The following MYO15B variants were observed in gnomAD, a reference collection of about 807,000 sequenced individuals.
MYO15B encodes the protein myosin XVB pseudogene.
Under a neutral mutation model 119.3 loss-of-function variants are expected in MYO15B, and 207 were observed. The observed-to-expected ratio is 1.73, with a 90% CI of 1.55 to 1.95. The LOEUF is 1.95. Among genes scored for constraint, MYO15B ranks in the 30% most tolerant of loss-of-function variants. The pLI, the probability that MYO15B is intolerant of heterozygous loss-of-function variation, is 0.00. For synonymous variants in MYO15B, 966 were observed against 498.9 expected (o/e 1.94, Z -12.48); for missense variants, 2,264 against 1,203.1 (o/e 1.88, Z -13.04).
chr17:75,609,848 G>C (rs1356636475), intron 21 of MYO15B, among the ~76,000 whole-genome samples: 1 of 151,806 alleles, frequency 6.6e-6, no homozygotes, highest in Non-Finnish European at 1.5e-5. Flanking sequence ...TGGGATTACA[G>C]GTGTGCTGTA....
chr17:75,601,929 G>A (rs1240854301), intron 15 of MYO15B, among the ~76,000 whole-genome samples: 2 of 152,232 alleles, frequency 1.3e-5, no homozygotes, highest in East Asian at 3.8e-4. Flanking sequence ...GTAACGTGGA[G>A]ATGGCCTGGC....
At chr17:75,599,197 C>T (rs2057079823) in intron 14 of MYO15B, among the ~76,000 whole-genome samples, 1 of 152,070 alleles carries the variant, frequency 6.6e-6, no homozygotes, top group African/African-American at 2.4e-5. Flanking sequence ...TGCACCTGTC[C>T]TTGAGTTACT....
Position 75,599,895 on chromosome 17 carries a change from A to AAAT in MYO15B, c.3526-1518_3526-1516dup, listed in dbSNP as rs139880034. On this transcript the variant is annotated intron_variant, in intron 14 of 63. Coordinates refer to ENST00000645453, the Ensembl canonical transcript of MYO15B. ...GGGTGACAGAGCAAGACTCGTCTCA[A>AAAT]AATAATAATAATAATAATAATAATA... Among the ~76,000 whole-genome samples the AAAT allele has an allele frequency of 9.8e-4, 143 of 145,626 alleles. 1 individual carries two copies. The highest frequency in any genetic ancestry group is 3.5e-3 in the Middle Eastern group (1 of 286).
In MYO15B at chr17:75,590,856, C is replaced by T. The variant is rs765557445; in HGVS notation, c.2251-51C>T. The stretch of plus-strand genomic sequence containing the variant: ...GGACTGAGGGGCTGGGCTCTGTTTG[C>T]ATTCCCCCTGCTCCCTCCACACTCT... On this transcript the variant is annotated intron_variant, in intron 2 of 63. Transcript: ENST00000645453. The T allele has an allele frequency of 7.6e-5, 23 of 302,242 alleles. 1 individual carries two copies. The Admixed American group carries it at 9.8e-4, about 13-fold the overall frequency. 18.7% of individuals were successfully genotyped at this position (302,242 alleles called of 1,614,324 possible). A position where few individuals can be genotyped will look rare whatever the true frequency, so the allele number is the denominator to read the frequency against.
chr17:75,617,727 G>A, intron 41 of MYO15B, 83 bp from the exon 42 acceptor site: 3 of 635,028 alleles, frequency 4.7e-6, no homozygotes, highest in Non-Finnish European at 8.7e-6. Context: ...GGCTCGTGGG[G>A]ATGAAGGTCT....
chr17:75,608,339 G>A (rs57190555), intron 21 of MYO15B, among the ~76,000 whole-genome samples: 10,817 of 151,936 alleles, frequency 0.071, 1,275 homozygotes, highest in African/African-American at 0.24. Context: ...GGCTGGTCTC[G>A]AACTCCTGAC....
chr17:75,613,759 G>A lies in MYO15B; in HGVS notation c.5201G>A (p.Gly1734Glu), dbSNP rs772515015. 7.1e-6 allele frequency: 5 copies of A among 702,460 alleles called. No homozygotes were observed. In the South Asian group the frequency reaches 7.4e-5, roughly 10 times the overall value. The allele number at this position is 702,460 out of a possible 1,614,324, so 43.5% of individuals were successfully genotyped here. ...TGGACCACCGGGGAGCAGCTGGCTG[G>A]GTGGATCCTGCAGAGCAGGTATGGG... is the stretch of plus-strand genomic sequence containing the variant. Residue 1734 changes from glycine (G) to glutamate (E), a missense_variant, in exon 29 of 64, where the codon GGG becomes GAG. By Grantham distance (98) the Gly-to-Glu change is moderately conservative. Transcript: ENST00000645453.
chr17:75,591,711 A>G lies in MYO15B; in HGVS notation c.2546A>G (p.Gln849Arg), dbSNP rs1487202672. 4.3e-6 allele frequency: 3 copies of G among 702,912 alleles called. No individual in the cohort carries two copies. The East Asian group carries it at 8.0e-5, about 19-fold the overall frequency. The allele number at this position is 702,912 out of a possible 1,614,324, so 43.5% of individuals were successfully genotyped here. A position where few individuals can be genotyped will look rare whatever the true frequency, so the allele number is the denominator to read the frequency against. The change falls in exon 5 of 64, where the codon CAG (glutamine) becomes CGG (arginine). Residue 849 changes from glutamine (Q) to arginine (R), a missense_variant and splice_region_variant. Gln to Arg is a conservative substitution (Grantham distance 43, BLOSUM62 1). Transcript: ENST00000645453. Reference sequence around the variant, plus strand: ...GATCAGACGGGGAACCGAGAGTGTCAGGTGAGGGCCAGGCTGGAGGTACCT... The same window carrying G: ...GATCAGACGGGGAACCGAGAGTGTCGGGTGAGGGCCAGGCTGGAGGTACCT...
chr17:75,596,636 G>A (rs992612500), intron 13 of MYO15B, 81 bp downstream of exon 13: 2 of 691,334 alleles, frequency 2.9e-6, no homozygotes, highest in African/African-American at 1.8e-5. Flanking sequence ...AGGAAAGTTG[G>A]GAACTGAGAG....
At chr17:75,624,746 C>G (rs974457357) in intron 58 of MYO15B, 25 bp from the exon 59 acceptor site, 5 of 702,506 alleles carry the variant, frequency 7.1e-6, no homozygotes, top group African/African-American at 7.0e-5. Flanking sequence ...GTCTGAGCAG[C>G]AGTGGACCTA....
At chr17:75,603,266 A>T (rs1041805504) in exon 19 of MYO15B, 5 of 702,974 alleles carry the variant, frequency 7.1e-6, no homozygotes, top group African/African-American at 7.0e-5. Context: ...GGGCACCCGC[A>T]GTGCCAACTT....
intron 24 of MYO15B, 109 bp downstream of exon 24, chr17:75,611,767 C>A: frequency 2.9e-6 from 2 of 694,688 alleles, no homozygotes; most frequent in Non-Finnish European, 2.6e-6. Context: ...CTCCCCTGAG[C>A]TCATCACTTG....
rs1598911917 is a variant in MYO15B at position 75,620,654 on chromosome 17, G to A, written c.7725+18G>A. 1.4e-6 allele frequency: 1 copy of A among 695,662 alleles called. No homozygotes were observed. Among genetic ancestry groups the A allele is most frequent in the African/African-American group, 1.8e-5 (1 of 57,084 alleles). The allele number at this position is 695,662 out of a possible 1,614,324, so 43.1% of individuals were successfully genotyped here. A position where few individuals can be genotyped will look rare whatever the true frequency, so the allele number is the denominator to read the frequency against. On this transcript the variant is annotated intron_variant, in intron 49 of 63. Coordinates refer to ENST00000645453, the Ensembl canonical transcript of MYO15B. ...CCTCAGAGGTGAGGAAGATGGGAGA[G>A]GGACAAGCAGAGGCAAGGCCTGCCT...
intron 52 of MYO15B, 22 bp downstream of exon 52, chr17:75,621,592 G>C (rs939157214): frequency 1.4e-6 from 1 of 699,062 alleles, no homozygotes; most frequent in East Asian, 2.7e-5. Context: ...CAGGCATCCT[G>C]GGTCCCCATG....
chr17:75,624,192 C>T lies in MYO15B; in HGVS notation c.8290C>T (p.Gln2764Ter). The T allele has an allele frequency of 1.4e-6, 1 of 702,992 alleles. No individual in the cohort carries two copies. The highest frequency in any genetic ancestry group is 2.6e-6 in the Non-Finnish European group (1 of 385,004). The allele number at this position is 702,992 out of a possible 1,614,324, so 43.5% of individuals were successfully genotyped here. A position where few individuals can be genotyped will look rare whatever the true frequency, so the allele number is the denominator to read the frequency against. The change falls in exon 56 of 64, where the codon CAG (glutamine) becomes TAG (stop). Residue 2764 changes from glutamine to a stop codon, truncating the protein, a stop_gained. Coordinates refer to ENST00000645453, the Ensembl canonical transcript of MYO15B. LOFTEE classifies it high-confidence loss of function. ...CTCTGCAGAGCTGGCCCGGAGCAGCCAGGAGCACCTCCAGCGCACAGTCAA... is the reference window on the plus strand; with the variant it reads ...CTCTGCAGAGCTGGCCCGGAGCAGCTAGGAGCACCTCCAGCGCACAGTCAA...
intron 41 of MYO15B, chr17:75,617,578 T>TC: frequency 1.8e-6 from 1 of 570,324 alleles, no homozygotes; most frequent in Non-Finnish European, 3.1e-6. Context: ...AGGAAGTTAG[T>TC]GGCCCTGGCT....
exon 49 of MYO15B, chr17:75,620,476 T>C (rs1047433258): frequency 5.7e-6 from 4 of 702,550 alleles, no homozygotes; most frequent in East Asian, 5.4e-5. Context: ...GGCTGGCAGT[T>C]TGGCTCTGCC....
chr17:75,599,512 C>G (rs1480500413), intron 14 of MYO15B, among the ~76,000 whole-genome samples: 1 of 151,348 alleles, frequency 6.6e-6, no homozygotes, highest in African/African-American at 2.4e-5. Context: ...TGGTTGATCT[C>G]CTGATCTTGT....
chr17:75,621,291 G>A, intron 50 of MYO15B, 54 bp from the exon 51 acceptor site: 1 of 671,840 alleles, frequency 1.5e-6, no homozygotes, highest in East Asian at 2.7e-5. Context: ...TGGCTGGCTG[G>A]GATGAAGGCA....
Sources: gnomAD v4.1 joint callset for allele counts (sites outside exome capture counted in the v4.1 genomes callset) on GRCh38, gnomAD v4.1.1 for gene constraint, MANE v1.5 for transcripts, NCBI Gene and HGNC (gene_info 2026-07-23, HGNC 2026-07-21) for gene names.